ATP10A: variants seen among roughly 807,000 people sequenced by gnomAD.
ATP10A encodes the protein phospholipid-transporting ATPase VA.
A neutral mutation model predicts 147.8 loss-of-function variants in ATP10A; 111 were observed. The ratio of observed to expected loss-of-function variants is 0.75; its 90% CI spans 0.64 to 0.88. The LOEUF is 0.88. Among genes scored for constraint, ATP10A ranks in the 40% least tolerant of loss-of-function variants. The pLI is 0.00. For missense variants in ATP10A, 1,927 were observed against 1,959.0 expected (o/e 0.98, Z 0.31); for synonymous variants, 875 against 841.6 (o/e 1.04, Z -0.69).
At chr15:25,753,859 C>T (rs1362760314) in intron 2 of ATP10A, among the ~76,000 whole-genome samples, 3 of 151,640 alleles carry the variant, frequency 2.0e-5, no homozygotes, top group Admixed American at 6.6e-5. Context: ...TTACTATAAC[C>T]TTGACCTCCT....
intron 8 of ATP10A, among the ~76,000 whole-genome samples, chr15:25,717,772 T>C (rs1027926020): frequency 6.6e-6 from 1 of 152,202 alleles, no homozygotes; most frequent in Admixed American, 6.5e-5. Flanking sequence ...TGGTGGTCCA[T>C]TAATGTCTGG....
At chr15:25,717,123 T>C (rs1296371364) in intron 8 of ATP10A, among the ~76,000 whole-genome samples, 199 bp from the exon 9 acceptor site, 1 of 152,272 alleles carries the variant, frequency 6.6e-6, no homozygotes, top group Admixed American at 6.5e-5. Flanking sequence ...ATCCACTTTG[T>C]GAAAACCATG....
intron 15 of ATP10A, 71 bp downstream of exon 15, chr15:25,691,644 G>GC: frequency 6.6e-7 from 1 of 1,510,508 alleles, no homozygotes; most frequent in Non-Finnish European, 9.2e-7. Context: ...GTCGGGGACA[G>GC]CCCACAGGGT....
chr15:25,778,227 T>C (rs1889718203), intron 2 of ATP10A, among the ~76,000 whole-genome samples: 1 of 152,178 alleles, frequency 6.6e-6, no homozygotes, highest in Non-Finnish European at 1.5e-5. Flanking sequence ...ACTGGTAAAA[T>C]ATTATATTGT....
intron 2 of ATP10A, among the ~76,000 whole-genome samples, chr15:25,765,046 C>T (rs1360086617): frequency 1.3e-5 from 2 of 152,292 alleles, no homozygotes; most frequent in East Asian, 3.9e-4. Context: ...TCAAGACTTG[C>T]TTCTAGACGA....
intron 1 of ATP10A, among the ~76,000 whole-genome samples, chr15:25,784,034 C>T (rs1769518380): frequency 6.6e-6 from 1 of 152,246 alleles, no homozygotes; most frequent in Non-Finnish European, 1.5e-5. Context: ...GAGACACTGA[C>T]ATATCTAGCC....
intron 2 of ATP10A, 47 bp downstream of exon 2, chr15:25,780,972 T>C (rs759896855): frequency 2.5e-6 from 4 of 1,587,756 alleles, no homozygotes; most frequent in Non-Finnish European, 2.6e-6. Context: ...ATGGGGACAC[T>C]GTGTGGCTGT....
rs189305249 is a variant in ATP10A, at chr15:25,707,957, C to G, written c.2575+19G>C. 3 of 1,612,658 alleles carry G rather than the reference C, an allele frequency of 1.9e-6. No individual in the cohort carries two copies. Among genetic ancestry groups the G allele is most frequent in the Admixed American group, 1.7e-5 (1 of 59,986 alleles). Reference sequence around the variant, plus strand: ...AAACTCCACACTGCCCTTAGGCATGCGACTCTCAAGTTAATTACCTAACAA... The same window carrying G: ...AAACTCCACACTGCCCTTAGGCATGGGACTCTCAAGTTAATTACCTAACAA... On this transcript the variant is annotated intron_variant, in intron 12 of 20. Transcript: ENST00000555815.
intron 1 of ATP10A, among the ~76,000 whole-genome samples, chr15:25,814,203 G>C (rs1326790274): frequency 1.3e-5 from 2 of 152,132 alleles, no homozygotes; most frequent in Non-Finnish European, 2.9e-5. Flanking sequence ...TGTCCCATTG[G>C]AAACAATGAA....
downstream of ATP10A, among the ~76,000 whole-genome samples, chr15:25,672,725 T>C (rs2140260025): frequency 1.3e-5 from 2 of 152,344 alleles, no homozygotes; most frequent in Middle Eastern, 6.8e-3. Context: ...GTTTTGTCTT[T>C]CTCTATTGAT....
At chr15:25,765,607 G>T (rs1265304491) in intron 2 of ATP10A, among the ~76,000 whole-genome samples, 1 of 152,178 alleles carries the variant, frequency 6.6e-6, no homozygotes, top group Admixed American at 6.5e-5. Context: ...TCATTGAGAC[G>T]CAGCTTCCTC....
rs528088772 is a variant in ATP10A, at chr15:25,719,711, T to C, written c.1364-1312A>G. Among the ~76,000 whole-genome samples, 3 of 152,164 alleles carry C rather than the reference T, an allele frequency of 2.0e-5. No individual in the cohort carries two copies. In the South Asian group the frequency reaches 6.2e-4, roughly 32 times the overall value. On this transcript the variant is annotated intron_variant, in intron 7 of 20. Transcript: ENST00000555815. The stretch of plus-strand genomic sequence containing the variant: ...GATCGGCAGTGGCCCCTGGGATGCC[T>C]TCCATGTCCCCAGGAAAGATGAGGC...
intron 7 of ATP10A, 112 bp downstream of exon 7, chr15:25,721,543 CGT>C (rs59037981): frequency 0.41 from 302,998 of 741,792 alleles, 25,998 homozygotes; most frequent in Admixed American, 0.43. Context: ...ATCCCTGAAG[CGT>C]GTGTGTGTGT....
intron 1 of ATP10A, among the ~76,000 whole-genome samples, chr15:25,793,759 G>T (rs1156980416): frequency 6.6e-6 from 1 of 152,204 alleles, no homozygotes; most frequent in Admixed American, 6.5e-5. Flanking sequence ...TCCTCCCTCA[G>T]AAGCAAGGGA....
chr15:25,715,922 G>A (rs1034166351), intron 9 of ATP10A, among the ~76,000 whole-genome samples: 2 of 152,130 alleles, frequency 1.3e-5, no homozygotes, highest in African/African-American at 4.8e-5. Flanking sequence ...TGCATATCAC[G>A]CTTCCGTGCC....
chr15:25,707,917 C>A, intron 12 of ATP10A, 59 bp downstream of exon 12: 1 of 1,594,600 alleles, frequency 6.3e-7, no homozygotes, highest in African/African-American at 1.3e-5. Flanking sequence ...CTCACCCCTC[C>A]AGGGCCGTCC....
chr15:25,715,790 C>A (rs900286461), intron 9 of ATP10A, among the ~76,000 whole-genome samples: 5 of 152,166 alleles, frequency 3.3e-5, no homozygotes, highest in African/African-American at 1.2e-4. Flanking sequence ...ACATCGCCTG[C>A]GGAGGGACCT....
At chr15:25,860,463 C>A (rs1296260409) in intron 1 of ATP10A, among the ~76,000 whole-genome samples, 1 of 152,204 alleles carries the variant, frequency 6.6e-6, no homozygotes, top group Non-Finnish European at 1.5e-5. Flanking sequence ...TTCCCAGGGC[C>A]TGGCACCACC....
intron 1 of ATP10A, among the ~76,000 whole-genome samples, chr15:25,812,168 T>C (rs1596937766): frequency 6.6e-6 from 1 of 152,284 alleles, no homozygotes; most frequent in East Asian, 1.9e-4. Context: ...TGACTTTTAG[T>C]TTAGTTTTTT....
Sources: gnomAD v4.1 joint callset for allele counts (sites outside exome capture counted in the v4.1 genomes callset) on GRCh38, gnomAD v4.1.1 for gene constraint, MANE v1.5 for transcripts, NCBI Gene and HGNC (gene_info 2026-07-23, HGNC 2026-07-21) for gene names.